Variants in ERBB4 observed in about 807,000 individuals in gnomAD.
The protein encoded by ERBB4 is receptor tyrosine-protein kinase erbB-4.
In ERBB4, 42 loss-of-function variants were observed where a neutral mutation model predicts 158.0. The observed-to-expected ratio is 0.27, with a 90% CI of 0.21 to 0.34. ERBB4 has a LOEUF of 0.34. Among genes scored for constraint, ERBB4 ranks in the 10% least tolerant of loss-of-function variants. ERBB4 has a pLI of 1.00. For synonymous variants in ERBB4, 583 were observed against 558.7 expected, an observed-to-expected ratio of 1.04 and a Z score of -0.61; for missense variants, 1,333 against 1,624.1, an observed-to-expected ratio of 0.82 and a Z score of 3.08.
chr2:212,444,311 A>C (rs2092309217), intron 1 of ERBB4, among the ~76,000 whole-genome samples: 1 of 152,240 alleles, frequency 6.6e-6, no homozygotes, highest in African/African-American at 2.4e-5. Flanking sequence ...CCCAGTGGGC[A>C]GAACTTTGAG....
At position 212,440,822 on chromosome 2, in the gene ERBB4, T is replaced by C. The variant is rs577811831; in HGVS notation, c.82+97627A>G. Among the ~76,000 whole-genome samples the C allele has an allele frequency of 5.4e-4, 83 of 152,296 alleles. No individual in the cohort carries two copies. The South Asian group carries it at 0.016, about 29-fold the overall frequency. On this transcript the variant is annotated intron_variant, in intron 1 of 27. Coordinates refer to ENST00000342788, the MANE Select transcript of ERBB4 (RefSeq NM_005235.3). ...CATACATAACACCTTTGACCATATG[T>C]GGAGAACCAAGGAACGTAATGAAAC...
At chr2:211,545,272 A>G (rs1349466135) in intron 20 of ERBB4, among the ~76,000 whole-genome samples, 2 of 152,036 alleles carry the variant, frequency 1.3e-5, no homozygotes, top group African/African-American at 2.4e-5. Flanking sequence ...CAGGTCAATA[A>G]CCCTTCACAA....
In ERBB4 at chr2:212,172,226, C is replaced by T. The variant is rs1210234472; in HGVS notation, c.83-47323G>A. ...AACTGTAATGAGATACGATCTCATACCAGTCAGAATGGCCATTACTAAAAA... is the reference window on the plus strand; with the variant it reads ...AACTGTAATGAGATACGATCTCATATCAGTCAGAATGGCCATTACTAAAAA... On this transcript the variant is annotated intron_variant, in intron 1 of 27. Coordinates refer to ENST00000342788, the MANE Select transcript of ERBB4 (RefSeq NM_005235.3). Among the ~76,000 whole-genome samples the T allele has an allele frequency of 3.3e-5, 5 of 152,064 alleles. No homozygotes were observed. In the South Asian group the frequency reaches 1.0e-3, roughly 31 times the overall value.
chr2:211,438,319 A>C (rs928513239), intron 20 of ERBB4, among the ~76,000 whole-genome samples: 5 of 152,208 alleles, frequency 3.3e-5, no homozygotes, highest in African/African-American at 1.2e-4. Flanking sequence ...GGTAGAGTAG[A>C]TGTCCCCCTT....
intron 20 of ERBB4, among the ~76,000 whole-genome samples, chr2:211,500,885 G>A (rs4131610): frequency 0.4 from 60,301 of 151,644 alleles, 12,656 homozygotes; most frequent in African/African-American, 0.53. Flanking sequence ...TTTGGCATTA[G>A]TGAAATTAAA....
At chr2:211,738,955 C>CTTATA (rs1265058474) in intron 5 of ERBB4, among the ~76,000 whole-genome samples, 1 of 152,026 alleles carries the variant, frequency 6.6e-6, no homozygotes, top group East Asian at 1.9e-4. Context: ...TGATCTTTTT[C>CTTATA]TTATATTTTA....
intron 1 of ERBB4, among the ~76,000 whole-genome samples, chr2:212,469,727 A>T (rs1424931958): frequency 6.6e-6 from 1 of 152,120 alleles, no homozygotes; most frequent in Non-Finnish European, 1.5e-5. Flanking sequence ...TTTTTTTAAC[A>T]ATATGCACAC....
chr2:211,564,759 G>A (rs1345124070), intron 19 of ERBB4, among the ~76,000 whole-genome samples: 3 of 152,078 alleles, frequency 2.0e-5, no homozygotes, highest in Non-Finnish European at 2.9e-5. Flanking sequence ...AAAATACAGT[G>A]AATAATTTTC....
At chr2:212,247,611 TAAAACCAAA>T (rs2084359418) in intron 1 of ERBB4, among the ~76,000 whole-genome samples, 1 of 152,194 alleles carries the variant, frequency 6.6e-6, no homozygotes, top group Admixed American at 6.5e-5. Flanking sequence ...AGAAAGCAAT[TAAAACCAAA>T]AAACTAGTTT....
chr2:211,693,095 G>A (rs557090999), intron 12 of ERBB4, among the ~76,000 whole-genome samples: 6 of 152,282 alleles, frequency 3.9e-5, no homozygotes, highest in Admixed American at 3.3e-4. Flanking sequence ...TCTGATGTGA[G>A]TGGGACCAGA....
intron 2 of ERBB4, among the ~76,000 whole-genome samples, chr2:212,053,291 T>C (rs951884157): frequency 6.6e-6 from 1 of 152,168 alleles, no homozygotes; most frequent in Admixed American, 6.5e-5. Flanking sequence ...GTTTTCCAAA[T>C]AATAAATCAG....
intron 20 of ERBB4, among the ~76,000 whole-genome samples, chr2:211,466,679 A>T (rs2064698680): frequency 6.6e-6 from 1 of 152,170 alleles, no homozygotes; most frequent in Admixed American, 6.6e-5. Flanking sequence ...AGTGAGTAGA[A>T]GAAAAAAGTG....
intron 19 of ERBB4, among the ~76,000 whole-genome samples, chr2:211,589,498 T>C (rs1043874105): frequency 1.3e-5 from 2 of 152,204 alleles, no homozygotes; most frequent in Non-Finnish European, 1.5e-5. Flanking sequence ...GTAGCCCGAA[T>C]GAGTAGCCCT....
chr2:212,382,354 C>G (rs2090532337), intron 1 of ERBB4, among the ~76,000 whole-genome samples: 1 of 150,448 alleles, frequency 6.6e-6, no homozygotes, highest in Admixed American at 6.7e-5. Context: ...TGCATATACA[C>G]TTATTAAAGT....
chr2:212,384,067 G>T (rs573712750), intron 1 of ERBB4, among the ~76,000 whole-genome samples: 1 of 151,542 alleles, frequency 6.6e-6, no homozygotes, highest in Admixed American at 6.6e-5. Context: ...GAATAAAGGT[G>T]TCCTAAAGGT....
chr2:212,538,640 G>T lies in ERBB4; in HGVS notation c.-110C>A, dbSNP rs558593762. 1 of 1,175,428 alleles carries T rather than the reference G, an allele frequency of 8.5e-7. No homozygotes were observed. Among genetic ancestry groups the T allele is most frequent in the African/African-American group, 1.5e-5 (1 of 65,374 alleles). 72.8% of individuals were successfully genotyped at this position (1,175,428 alleles called of 1,614,324 possible). ...GCCGGGCGCGCGTGGGGGTGCGAGGGGGGCGGGCGCGGCGCGCGCGGTGTG... is the reference window on the plus strand; with the variant it reads ...GCCGGGCGCGCGTGGGGGTGCGAGGTGGGCGGGCGCGGCGCGCGCGGTGTG... On this transcript the variant is annotated 5_prime_UTR_variant, in exon 1 of 28. Coordinates refer to ENST00000342788, the MANE Select transcript of ERBB4 (RefSeq NM_005235.3).
chr2:212,102,839 A>G (rs2079123219), intron 2 of ERBB4, among the ~76,000 whole-genome samples: 1 of 152,114 alleles, frequency 6.6e-6, no homozygotes, highest in Non-Finnish European at 1.5e-5. Context: ...TATCATAAAT[A>G]CTATTAATTC....
intron 7 of ERBB4, among the ~76,000 whole-genome samples, chr2:211,718,671 A>C (rs1001097734): frequency 2.6e-5 from 4 of 152,180 alleles, no homozygotes; most frequent in Non-Finnish European, 4.4e-5. Context: ...CTAAATTTAT[A>C]TACTACTGAT....
At chr2:212,315,682 G>T (rs1266703781) in intron 1 of ERBB4, among the ~76,000 whole-genome samples, 1 of 151,428 alleles carries the variant, frequency 6.6e-6, no homozygotes, top group African/African-American at 2.4e-5. Flanking sequence ...TTTTTACATG[G>T]TCTGTGTCAC....
Sources: gnomAD v4.1 joint callset for allele counts (sites outside exome capture counted in the v4.1 genomes callset) on GRCh38, gnomAD v4.1.1 for gene constraint, MANE v1.5 for transcripts, NCBI Gene and HGNC (gene_info 2026-07-23, HGNC 2026-07-21) for gene names.